Variants in MUTYH observed in about 807,000 individuals in gnomAD.
MUTYH encodes the protein mutY DNA glycosylase, also known as adenine DNA glycosylase.
A neutral mutation model predicts 72.9 loss-of-function variants in MUTYH; 64 were observed. The observed-to-expected ratio is 0.88, with a 90% CI of 0.72 to 1.08. MUTYH has a LOEUF of 1.08. Among genes scored for constraint, MUTYH ranks in the 50% least tolerant of loss-of-function variants. The pLI is 0.00. For missense variants in MUTYH, 633 were observed against 671.0 expected, an observed-to-expected ratio of 0.94 and a Z score of 0.63; for synonymous variants, 234 against 263.1, an observed-to-expected ratio of 0.89 and a Z score of 1.07.
At chr1:45,340,323 G>A (rs1487474771), upstream of MUTYH, 1 of 1,608,878 alleles carries the variant, frequency 6.2e-7, no homozygotes, top group Non-Finnish European at 8.5e-7. Context: ...CTTCCCAGAG[G>A]TAGCCTTCAA....
chr1:45,335,182 T>C (rs1481010348), intron 1 of MUTYH, among the ~76,000 whole-genome samples: 1 of 152,212 alleles, frequency 6.6e-6, no homozygotes, highest in Admixed American at 6.5e-5. Context: ...GTTGATATTT[T>C]GTGAGTGCCT....
Position 45,331,772 on chromosome 1 carries a change from G to T in MUTYH, c.991C>A (p.Pro331Thr), listed in dbSNP as rs587782773. ...WDQTLGVVNF[P>T]RKASRKPPRE... ...GGGGGCTTGCGGCTGGCCTTTCTGG[G>T]GAAGTTGACCACTCCCAGGGTCTGG... The change falls in exon 12 of 16, where the codon CCC (proline) becomes ACC (threonine). Residue 331 changes from proline to threonine, a missense_variant. Coordinates refer to ENST00000456914, the MANE Select transcript of MUTYH (RefSeq NM_001048174.2). 3.1e-5 allele frequency: 50 copies of T among 1,613,672 alleles called. No individual in the cohort carries two copies. Among genetic ancestry groups the T allele is most frequent in the Non-Finnish European group, 4.0e-5 (47 of 1,179,864 alleles).
chr1:45,333,129 T>A lies in MUTYH; in HGVS notation c.346A>T (p.Thr116Ser). 1 of 1,614,162 alleles carries A rather than the reference T, an allele frequency of 6.2e-7. No homozygotes were observed. The highest frequency in any genetic ancestry group is 1.6e-4 in the Middle Eastern group (1 of 6,062). The change falls in exon 5 of 16, where the codon ACT (threonine) becomes TCT (serine). Residue 116 changes from threonine to serine, a missense_variant. Physicochemically the swap from Thr to Ser is moderately conservative, Grantham distance 58. Transcript: ENST00000456914. ...EVMLQQTQVA[T>S]VINYYTGWMQ... ...CATCCGGTATAGTAGTTGATCACAG[T>A]GGCAACCTGGGTCTGCTGCAGCATG...
intron 1 of MUTYH, among the ~76,000 whole-genome samples, chr1:45,337,147 CTTT>C (rs571256815): frequency 1.4e-5 from 2 of 142,482 alleles, no homozygotes. Flanking sequence ...GTTTCCCATT[CTTT>C]TTTTTTTTTT....
intron 15 of MUTYH, among the ~76,000 whole-genome samples, chr1:45,330,245 AAAAAAAAG>A (rs1644556891): frequency 6.7e-6 from 1 of 149,812 alleles, no homozygotes; most frequent in African/African-American, 2.4e-5. Context: ...AAAAAAAAAA[AAAAAAAAG>A]AACTGATGGC....
intron 2 of MUTYH, 69 bp from the exon 3 acceptor site, chr1:45,333,630 C>A (rs2149177845): frequency 6.3e-7 from 1 of 1,583,014 alleles, no homozygotes; most frequent in Non-Finnish European, 8.6e-7. Context: ...TGGGACACAG[C>A]AGCCTGTGGC....
At position 45,339,761 on chromosome 1, in the gene MUTYH, A is replaced by G. The variant is rs1470693835; in HGVS notation, c.-7+138T>C. 7 of 1,096,778 alleles carry G rather than the reference A, an allele frequency of 6.4e-6. No individual in the cohort carries two copies. The African/African-American group carries it at 9.8e-5, about 15-fold the overall frequency. 67.9% of individuals were successfully genotyped at this position (1,096,778 alleles called of 1,614,324 possible). ...ACTGAGCTCTCCATCCTCTCTGGGA[A>G]TTTACCGATGCCCAGAACGCCCTTC... is the stretch of plus-strand genomic sequence containing the variant. On this transcript the variant is annotated intron_variant, in intron 1 of 15. Coordinates refer to ENST00000456914, the MANE Select transcript of MUTYH (RefSeq NM_001048174.2).
In MUTYH at chr1:45,329,435, A is replaced by G; in HGVS notation, c.1437T>C (p.Gly479=). The G allele has an allele frequency of 6.2e-7, 1 of 1,614,036 alleles. No individual in the cohort carries two copies. The highest frequency in any genetic ancestry group is 8.5e-7 in the Non-Finnish European group (1 of 1,179,966). Residue 479 remains glycine (G), a splice_region_variant and synonymous_variant, in exon 16 of 16, where the codon GGT becomes GGC. Transcript: ENST00000456914. ...GAGAGGACACCTGGGACCTTTTGGAACCCTGTGAAAAAATGGAAGGAGGGA... is the reference window on the plus strand; with the variant it reads ...GAGAGGACACCTGGGACCTTTTGGAGCCCTGTGAAAAAATGGAAGGAGGGA... ...YQGQQPGTCM[G]SKRSQVSSPC...
At position 45,337,147 on chromosome 1, in the gene MUTYH, C is replaced by A. The variant is rs553219870; in HGVS notation, c.-6-2636G>T. 4.6e-4 allele frequency among the ~76,000 whole-genome samples: 66 copies of A among 142,544 alleles called. 1 individual carries two copies. Among genetic ancestry groups the A allele is most frequent in the Admixed American group, 2.1e-4 (3 of 14,128 alleles). 93.5% of individuals were successfully genotyped at this position (142,544 alleles called of 152,430 possible). On this transcript the variant is annotated intron_variant, in intron 1 of 15. Transcript: ENST00000456914. ...TTATAACCTTCAATGGTTTCCCATT[C>A]TTTTTTTTTTTTTTGGGATGGGGTC...
chr1:45,338,389 G>A (rs184379810), intron 1 of MUTYH: 21 of 449,670 alleles, frequency 4.7e-5, no homozygotes, highest in South Asian at 3.8e-4. Flanking sequence ...CATTTCCTCT[G>A]TTTGGACTCT....
At chr1:45,335,045 G>A (rs1645673829) in intron 1 of MUTYH, among the ~76,000 whole-genome samples, 3 of 152,212 alleles carry the variant, frequency 2.0e-5, no homozygotes, top group Admixed American at 2.0e-4. Context: ...ACAGAGATTA[G>A]CTATTTTTAT....
At chr1:45,339,662 C>G in intron 1 of MUTYH, 1 of 386,522 alleles carries the variant, frequency 2.6e-6, no homozygotes. Context: ...GCTTCCCTAC[C>G]AATCGGTCGC....
At position 45,330,540 on chromosome 1, in the gene MUTYH, C is replaced by G. The variant is rs587782794; in HGVS notation, c.1410G>C (p.Gln470His). ...CCATACAGGTCCCTGGCTGTTGGCC[C>G]TGATACACACGGAAAACCTAGACAA... ...TAMKKVFRVY[Q>H]GQQPGTCMGS... Residue 470 changes from glutamine to histidine, a missense_variant, in exon 15 of 16, where the codon CAG (glutamine) becomes CAC (histidine). Transcript: ENST00000456914. 9.3e-6 allele frequency: 15 copies of G among 1,609,424 alleles called. No individual in the cohort carries two copies. Among genetic ancestry groups the G allele is most frequent in the Admixed American group, 1.7e-5 (1 of 59,470 alleles).
intron 8 of MUTYH, 32 bp downstream of exon 8, chr1:45,332,542 A>G (rs993787003): frequency 6.2e-7 from 1 of 1,613,934 alleles, no homozygotes; most frequent in Admixed American, 1.7e-5. Context: ...GAGGCTGGGC[A>G]CGCACAAAGT....
At chr1:45,339,792 C>G in intron 1 of MUTYH, 107 bp downstream of exon 1, 9 of 1,262,134 alleles carry the variant, frequency 7.1e-6, no homozygotes, top group South Asian at 2.5e-5. Context: ...CCTTCTTTCC[C>G]CCACACGACC....
rs769406151 is a variant in MUTYH at position 45,338,753 on chromosome 1, TTG to T, written c.-7+1144_-7+1145del. 20,122 of 117,416 alleles carry T rather than the reference TTG, an allele frequency of 0.17. 1,357 individuals carry two copies. Among genetic ancestry groups the T allele is most frequent in the Non-Finnish European group, 0.23 (11,614 of 51,564 alleles). 7.3% of individuals were successfully genotyped at this position (117,416 alleles called of 1,614,324 possible). ...GAGTTTTTTTATTTTTGTTTTTTTT[TTG>T]TTTGTTTGTTTTGTTTTTAGAGACA... On this transcript the variant is annotated intron_variant, in intron 1 of 15. Transcript: ENST00000456914.
In MUTYH at chr1:45,331,434, G is replaced by C. The variant is rs587778540; in HGVS notation, c.1225C>G (p.Arg409Gly). ...WAGPLPATHL[R>G]HLGEVVHTFS... is the part of the protein sequence containing the mutation. The stretch of plus-strand genomic sequence containing the variant: ...TGCTCACTTACCTCCCCAAGGTGCC[G>C]GAGGTGCGTGGCTGGGAGGGGCCCA... Residue 409 changes from arginine (R) to glycine (G), a missense_variant, in exon 13 of 16, where the codon CGG (arginine) becomes GGG (glycine). Coordinates refer to ENST00000456914, the MANE Select transcript of MUTYH (RefSeq NM_001048174.2). The C allele has an allele frequency of 6.8e-6, 11 of 1,614,248 alleles. No individual in the cohort carries two copies. The highest frequency in any genetic ancestry group is 9.3e-6 in the Non-Finnish European group (11 of 1,180,046).
rs745808534 is a variant in MUTYH, at chr1:45,332,612, A to T, written c.568T>A (p.Tyr190Asn). 1 of 1,614,130 alleles carries T rather than the reference A, an allele frequency of 6.2e-7. No homozygotes were observed. Among genetic ancestry groups the T allele is most frequent in the Non-Finnish European group, 8.5e-7 (1 of 1,180,014 alleles). The stretch of plus-strand genomic sequence containing the variant: ...ATAGAGGCAATGGCCCCAGCTGTGT[A>T]GCGCCCCACGCCAGGCAGGAGCTGC... ...LQQLLPGVGR[Y>N]TAGAIASIAF... Residue 190 changes from tyrosine to asparagine, a missense_variant, in exon 8 of 16, where the codon TAC (tyrosine) becomes AAC (asparagine). Transcript: ENST00000456914.
At chr1:45,334,051 G>A in intron 2 of MUTYH, 2 of 384,804 alleles carry the variant, frequency 5.2e-6, no homozygotes, top group South Asian at 4.4e-5. Context: ...CTGTTGCCCA[G>A]ACTGAAATGC....
Sources: allele counts gnomAD v4.1 joint callset (sites outside exome capture counted in the v4.1 genomes callset), GRCh38; gene constraint gnomAD v4.1.1; transcripts MANE v1.5; gene names NCBI Gene and HGNC (gene_info 2026-07-23, HGNC 2026-07-21).